Variants in MYO3B observed in about 807,000 individuals in gnomAD.
The protein encoded by MYO3B is myosin-IIIb.
A neutral mutation model predicts 174.6 loss-of-function variants in MYO3B; 156 were observed. The observed-to-expected ratio is 0.89, with a 90% CI of 0.78 to 1.02. MYO3B has a LOEUF of 1.02. Ranked by LOEUF, MYO3B falls within the 50% of genes least tolerant of loss-of-function variation. The pLI, the probability that MYO3B is intolerant of heterozygous loss-of-function variation, is 0.00. For missense variants in MYO3B, 1,632 were observed against 1,639.4 expected, an observed-to-expected ratio of 1.00 and a Z score of 0.08; for synonymous variants, 563 against 569.1, an observed-to-expected ratio of 0.99 and a Z score of 0.15.
At chr2:170,575,240 A>C (rs1441770433) in intron 32 of MYO3B, among the ~76,000 whole-genome samples, 1 of 152,208 alleles carries the variant, frequency 6.6e-6, no homozygotes, top group Non-Finnish European at 1.5e-5. Flanking sequence ...TTGTATTTAA[A>C]TGTTAGGAAA....
At chr2:170,407,488 A>G (rs114721334) in intron 21 of MYO3B, among the ~76,000 whole-genome samples, 10,659 of 149,988 alleles carry the variant, frequency 0.071, 430 homozygotes, top group Non-Finnish European at 0.096. Context: ...AACAACAACA[A>G]AAGAAAACCC....
chr2:170,622,555 C>T (rs969235080), intron 32 of MYO3B, among the ~76,000 whole-genome samples: 1 of 151,008 alleles, frequency 6.6e-6, no homozygotes, highest in African/African-American at 2.5e-5. Flanking sequence ...CACATTCTTA[C>T]ATTCTTTTAT....
rs376654787 is a variant in MYO3B at position 170,635,495 on chromosome 2, A to C, written c.3734-16133A>C. 2.0e-3 allele frequency among the ~76,000 whole-genome samples: 311 copies of C among 152,308 alleles called. 3 individuals are homozygous for C. The highest frequency in any genetic ancestry group is 7.2e-3 in the African/African-American group (299 of 41,572). ...GGGGGAGCGGGGGAGGGATAGCATT[A>C]GGAGATATACCTAATGTAAATGACA... On this transcript the variant is annotated intron_variant, in intron 32 of 34. Transcript: ENST00000408978.
intron 25 of MYO3B, among the ~76,000 whole-genome samples, chr2:170,483,684 T>C (rs78022389): frequency 6.6e-6 from 1 of 152,098 alleles, no homozygotes; most frequent in Non-Finnish European, 1.5e-5. Flanking sequence ...GGCTAACTTA[T>C]GTTAGATAAT....
chr2:170,652,154 G>C lies in MYO3B; in HGVS notation c.3887G>C (p.Gly1296Ala). Residue 1296 changes from glycine to alanine, a missense_variant and splice_region_variant, in exon 34 of 35, where the codon GGC (glycine) becomes GCC (alanine). Coordinates refer to ENST00000408978, the MANE Select transcript of MYO3B (RefSeq NM_138995.5). ...AGCAAGAGGAAGCCAAGAAAACTTG[G>C]GTAAATATCTGTCTTCTTAGTTCTA... ...QGSKRKPRKL[G>A]QIKVLDGEDE... is the part of the protein sequence containing the mutation. 2 of 1,613,812 alleles carry C rather than the reference G, an allele frequency of 1.2e-6. No homozygotes were observed. Among genetic ancestry groups the C allele is most frequent in the South Asian group, 2.2e-5 (2 of 91,040 alleles).
intron 32 of MYO3B, among the ~76,000 whole-genome samples, chr2:170,605,421 GACAC>G (rs1694752883): frequency 6.6e-6 from 1 of 152,166 alleles, no homozygotes; most frequent in African/African-American, 2.4e-5. Context: ...CTGGATTTCA[GACAC>G]ACACAGAGCT....
At chr2:170,569,156 A>G (rs1692260482) in intron 32 of MYO3B, among the ~76,000 whole-genome samples, 2 of 152,146 alleles carry the variant, frequency 1.3e-5, no homozygotes, top group Admixed American at 6.6e-5. Context: ...CTTTCCTATT[A>G]CCAAGGACCT....
intron 30 of MYO3B, among the ~76,000 whole-genome samples, chr2:170,530,587 C>T (rs1336046713): frequency 1.3e-5 from 2 of 152,184 alleles, no homozygotes; most frequent in Non-Finnish European, 2.9e-5. Context: ...TGTTAACTAC[C>T]CAGCGCCAGG....
chr2:170,525,387 A>G (rs1688934364), intron 30 of MYO3B, among the ~76,000 whole-genome samples: 1 of 152,216 alleles, frequency 6.6e-6, no homozygotes, highest in African/African-American at 2.4e-5. Flanking sequence ...TAATGCTGAT[A>G]AATACAATGG....
chr2:170,401,251 C>T (rs564311679), intron 17 of MYO3B, among the ~76,000 whole-genome samples: 5 of 152,198 alleles, frequency 3.3e-5, no homozygotes, highest in African/African-American at 1.2e-4. Context: ...AAGACCACCT[C>T]CTCTTCCTTT....
intron 32 of MYO3B, among the ~76,000 whole-genome samples, chr2:170,557,778 A>G (rs1440690497): frequency 6.6e-6 from 1 of 152,142 alleles, no homozygotes; most frequent in Non-Finnish European, 1.5e-5. Context: ...TCTCCAGGAA[A>G]GGTTCAGATA....
intron 32 of MYO3B, among the ~76,000 whole-genome samples, chr2:170,643,104 C>T (rs1327120275): frequency 1.3e-5 from 2 of 151,930 alleles, no homozygotes; most frequent in African/African-American, 4.8e-5. Context: ...CAACTGGTAT[C>T]ATGTTAAAAA....
At position 170,563,702 on chromosome 2, in the gene MYO3B, G is replaced by A. The variant is rs114699266; in HGVS notation, c.3733+19714G>A. Among the ~76,000 whole-genome samples, 661 of 152,242 alleles carry A rather than the reference G, an allele frequency of 4.3e-3. 4 individuals carry two copies. Among genetic ancestry groups the A allele is most frequent in the African/African-American group, 0.015 (631 of 41,542 alleles). ...CCAGGGGTAGGCAATTTCTGGTGTTGGTTCAGAAGATCAAGAATGACAAGC... is the reference window on the plus strand; with the variant it reads ...CCAGGGGTAGGCAATTTCTGGTGTTAGTTCAGAAGATCAAGAATGACAAGC... On this transcript the variant is annotated intron_variant, in intron 32 of 34. Transcript: ENST00000408978.
chr2:170,417,691 A>C (rs538252476), intron 22 of MYO3B, among the ~76,000 whole-genome samples: 1 of 150,938 alleles, frequency 6.6e-6, no homozygotes, highest in Non-Finnish European at 1.5e-5. Context: ...TTCTGCACCA[A>C]CCCTCTGTCT....
intron 32 of MYO3B, among the ~76,000 whole-genome samples, chr2:170,545,703 C>T (rs969603388): frequency 1.6e-4 from 24 of 152,176 alleles, no homozygotes; most frequent in African/African-American, 5.5e-4. Flanking sequence ...ATAAATGGCT[C>T]ATATGCACTT....
In MYO3B at chr2:170,222,907, A is replaced by G. The variant is rs114557536; in HGVS notation, c.603+5512A>G. On this transcript the variant is annotated intron_variant, in intron 6 of 34. Transcript: ENST00000408978. The stretch of plus-strand genomic sequence containing the variant: ...AGGGCTGCAGGTTATAGATGCTAGC[A>G]TAGTGAGAGGCTCAGCTTTGCCTGT... 2.7e-3 allele frequency among the ~76,000 whole-genome samples: 411 copies of G among 152,252 alleles called. 1 individual carries two copies. Among genetic ancestry groups the G allele is most frequent in the Middle Eastern group, 0.02 (6 of 294 alleles).
intron 22 of MYO3B, among the ~76,000 whole-genome samples, chr2:170,415,994 G>C (rs528677968): frequency 2.5e-4 from 38 of 152,146 alleles, no homozygotes; most frequent in African/African-American, 8.9e-4. Flanking sequence ...TTGGAATTAG[G>C]GTATTTGCAG....
At chr2:170,291,050 AC>A (rs1321330964) in intron 7 of MYO3B, among the ~76,000 whole-genome samples, 1 of 152,082 alleles carries the variant, frequency 6.6e-6, no homozygotes, top group African/African-American at 2.4e-5. Context: ...GGAGTTCGAG[AC>A]CAGCCTGGCC....
At chr2:170,420,533 TG>T (rs1193569682) in intron 22 of MYO3B, among the ~76,000 whole-genome samples, 1 of 151,978 alleles carries the variant, frequency 6.6e-6, no homozygotes, top group Admixed American at 6.6e-5. Flanking sequence ...CAGCCTGGAG[TG>T]GGTGACAGAT....
Sources: gnomAD v4.1 joint callset for allele counts (sites outside exome capture counted in the v4.1 genomes callset) on GRCh38, gnomAD v4.1.1 for gene constraint, MANE v1.5 for transcripts, NCBI Gene and HGNC (gene_info 2026-07-23, HGNC 2026-07-21) for gene names.